Variants in SOX5 observed in about 807,000 individuals in gnomAD.
SOX5 encodes the protein transcription factor SOX-5.
Under a neutral mutation model 92.0 loss-of-function variants are expected in SOX5, and 9 were observed. The ratio of observed to expected loss-of-function variants is 0.10; its 90% CI spans 0.06 to 0.17. The LOEUF is 0.17. Among genes scored for constraint, SOX5 ranks in the 10% least tolerant of loss-of-function variants. The pLI, the probability that SOX5 is intolerant of heterozygous loss-of-function variation, is 1.00. For synonymous variants in SOX5, 344 were observed against 336.3 expected (o/e 1.02, Z -0.25); for missense variants, 642 against 944.5 (o/e 0.68, Z 4.20).
intron 3 of SOX5, among the ~76,000 whole-genome samples, chr12:23,795,550 G>T (rs1383834154): frequency 1.3e-5 from 2 of 152,062 alleles, no homozygotes; most frequent in Non-Finnish European, 2.9e-5. Context: ...ATGTGAGGGT[G>T]GTTTTTGTGA....
intron 2 of SOX5, among the ~76,000 whole-genome samples, chr12:24,299,269 A>G (rs1230020789): frequency 6.6e-6 from 1 of 152,106 alleles, no homozygotes; most frequent in Middle Eastern, 3.2e-3. Context: ...ATTCCCCTAA[A>G]ATGTGAGAGA....
intron 1 of SOX5, among the ~76,000 whole-genome samples, chr12:24,370,228 G>A (rs1012008921): frequency 3.3e-5 from 5 of 151,778 alleles, no homozygotes; most frequent in African/African-American, 9.7e-5. Context: ...TAATCCCAGC[G>A]CTTTGGGAGG....
chr12:24,235,683 T>C (rs149430975), intron 3 of SOX5, among the ~76,000 whole-genome samples: 1 of 152,238 alleles, frequency 6.6e-6, no homozygotes, highest in Non-Finnish European at 1.5e-5. Flanking sequence ...ATGAATTTCA[T>C]TATAACTAGT....
At chr12:23,654,535 T>C (rs1318464226) in intron 7 of SOX5, among the ~76,000 whole-genome samples, 3 of 152,114 alleles carry the variant, frequency 2.0e-5, no homozygotes, top group Non-Finnish European at 4.4e-5. Context: ...TTATACTTTC[T>C]TAAATCCAAC....
At chr12:24,387,649 G>A (rs970630846) in intron 1 of SOX5, among the ~76,000 whole-genome samples, 1 of 152,036 alleles carries the variant, frequency 6.6e-6, no homozygotes, top group Non-Finnish European at 1.5e-5. Context: ...GAAAGATGAC[G>A]ATAATTTTCT....
intron 1 of SOX5, among the ~76,000 whole-genome samples, chr12:24,521,690 C>T (rs1391074204): frequency 1.3e-5 from 2 of 151,788 alleles, no homozygotes; most frequent in East Asian, 3.9e-4. Context: ...GGAAAGTAAA[C>T]AACACACTCT....
chr12:24,360,142 T>C, intron 2 of SOX5, among the ~76,000 whole-genome samples: 1 of 152,224 alleles, frequency 6.6e-6, no homozygotes, highest in Non-Finnish European at 1.5e-5. Flanking sequence ...CTTTCAGTAC[T>C]CAGTGATATT....
chr12:24,543,984 T>C (rs1436868132), intron 1 of SOX5, among the ~76,000 whole-genome samples: 1 of 152,186 alleles, frequency 6.6e-6, no homozygotes, highest in African/African-American at 2.4e-5. Context: ...TATTAAGACA[T>C]CTATATACTG....
intron 2 of SOX5, among the ~76,000 whole-genome samples, chr12:23,856,467 G>C (rs1170826153): frequency 6.6e-6 from 1 of 152,024 alleles, no homozygotes; most frequent in Non-Finnish European, 1.5e-5. Context: ...AATTCTCAGA[G>C]AAATTCCCTG....
chr12:24,229,708 A>C (rs1962950394), intron 3 of SOX5, among the ~76,000 whole-genome samples: 1 of 152,210 alleles, frequency 6.6e-6, no homozygotes, highest in Non-Finnish European at 1.5e-5. Flanking sequence ...AGCCACTGAC[A>C]TGTCCCTGCC....
At chr12:24,521,834 A>G (rs1242588404) in intron 1 of SOX5, among the ~76,000 whole-genome samples, 1 of 152,166 alleles carries the variant, frequency 6.6e-6, no homozygotes, top group Non-Finnish European at 1.5e-5. Flanking sequence ...AGTCTGTGGC[A>G]ACAAGTGCCT....
intron 9 of SOX5, among the ~76,000 whole-genome samples, chr12:23,590,890 C>T (rs1037914226): frequency 3.3e-5 from 5 of 151,964 alleles, no homozygotes; most frequent in South Asian, 4.1e-4. Context: ...AGATAAACAA[C>T]GTGTCTCTTT....
intron 4 of SOX5, among the ~76,000 whole-genome samples, chr12:24,178,970 A>G (rs1460051953): frequency 6.6e-6 from 1 of 152,238 alleles, no homozygotes; most frequent in Non-Finnish European, 1.5e-5. Context: ...ACCATCTGAA[A>G]TAGAATTTGA....
chr12:23,582,367 G>T, intron 9 of SOX5: 1 of 768,148 alleles, frequency 1.3e-6, no homozygotes, highest in Non-Finnish European at 1.6e-6. Context: ...ACTTAAAGGA[G>T]AAAAGGTTTA....
chr12:23,660,500 G>C (rs755499619), intron 7 of SOX5, among the ~76,000 whole-genome samples: 1 of 152,128 alleles, frequency 6.6e-6, no homozygotes, highest in Admixed American at 6.5e-5. Context: ...TTGCCTATTT[G>C]AGATTGCATT....
intron 1 of SOX5, among the ~76,000 whole-genome samples, chr12:23,922,893 C>A (rs756440314): frequency 6.6e-6 from 1 of 151,534 alleles, no homozygotes; most frequent in Non-Finnish European, 1.5e-5. Flanking sequence ...AGATTCTGTG[C>A]GAATCCCAGA....
intron 2 of SOX5, among the ~76,000 whole-genome samples, chr12:23,874,618 G>A (rs1328447527): frequency 6.6e-6 from 1 of 152,194 alleles, no homozygotes; most frequent in Non-Finnish European, 1.5e-5. Flanking sequence ...CCCAAAGCTA[G>A]AGTTATAAGA....
intron 4 of SOX5, among the ~76,000 whole-genome samples, chr12:24,199,902 G>A (rs1261059670): frequency 6.6e-6 from 1 of 151,964 alleles, no homozygotes; most frequent in Non-Finnish European, 1.5e-5. Context: ...TCTGACAGAA[G>A]TAAGTAAGTT....
intron 8 of SOX5, among the ~76,000 whole-genome samples, chr12:23,640,254 G>A (rs2079869356): frequency 6.6e-6 from 1 of 152,142 alleles, no homozygotes; most frequent in African/African-American, 2.4e-5. Context: ...CGGATTATAG[G>A]AATATATATT....
Sources: allele counts gnomAD v4.1 joint callset (sites outside exome capture counted in the v4.1 genomes callset), GRCh38; gene constraint gnomAD v4.1.1; transcripts MANE v1.5; gene names NCBI Gene and HGNC (gene_info 2026-07-23, HGNC 2026-07-21).